The following BAZ2A variants were observed in gnomAD, a reference collection of about 807,000 sequenced individuals.
BAZ2A encodes bromodomain adjacent to zinc finger domain 2A, also known as bromodomain adjacent to zinc finger domain protein 2A.
A neutral mutation model predicts 199.9 loss-of-function variants in BAZ2A; 34 were observed. That is an observed-to-expected ratio of 0.17 (90% CI 0.13 to 0.23). The LOEUF is 0.23. Among genes scored for constraint, BAZ2A ranks in the 10% least tolerant of loss-of-function variants. The pLI is 1.00. For missense variants in BAZ2A, 2,002 were observed against 2,391.1 expected, an observed-to-expected ratio of 0.84 and a Z score of 3.39; for synonymous variants, 857 against 883.9, an observed-to-expected ratio of 0.97 and a Z score of 0.54.
At chr12:56,616,326 C>A (rs961082112) in intron 2 of BAZ2A, among the ~76,000 whole-genome samples, 1 of 152,162 alleles carries the variant, frequency 6.6e-6, no homozygotes, top group Non-Finnish European at 1.5e-5. Context: ...CGCTAGGGGC[C>A]CCCTTTCCCC....
In BAZ2A at chr12:56,597,460, G is replaced by A. The variant is rs1221442730; in HGVS notation, c.*1158C>T. On this transcript the variant is annotated 3_prime_UTR_variant, in exon 29 of 29. Coordinates refer to ENST00000549884, the MANE Select transcript of BAZ2A (RefSeq NM_001300905.2). ...GAAATTGTTCCTGTGGTTTCCCAAA[G>A]ACAAAAAAGTGATGGTTTTAAACAA... 1 of 151,856 alleles carries A rather than the reference G, an allele frequency of 6.6e-6. No homozygotes were observed. The highest frequency in any genetic ancestry group is 1.5e-5 in the Non-Finnish European group (1 of 67,938). 9.4% of individuals were successfully genotyped at this position (151,856 alleles called of 1,614,324 possible).
chr12:56,617,301 C>A (rs1242303632), intron 2 of BAZ2A, 94 bp downstream of exon 2: 6 of 1,279,894 alleles, frequency 4.7e-6, no homozygotes. Flanking sequence ...TGATTTCTCT[C>A]CAGCAGCAAA....
intron 1 of BAZ2A, among the ~76,000 whole-genome samples, chr12:56,618,035 A>T (rs1288842320): frequency 6.6e-6 from 1 of 152,238 alleles, no homozygotes; most frequent in African/African-American, 2.4e-5. Flanking sequence ...ATTTCTAATT[A>T]TCCTATCCAT....
rs746393625 is a variant in BAZ2A at position 56,603,580 on chromosome 12, T to C, written c.3159A>G (p.Glu1053=). Residue 1053 remains glutamate, a synonymous_variant, in exon 17 of 29, where the codon GAA becomes GAG. Coordinates refer to ENST00000549884, the MANE Select transcript of BAZ2A (RefSeq NM_001300905.2). ...CTGCTATAGACTCCTCTTCTTCCTCTTCTTCCATGCCACTGGTCTCCTCCA... is the reference window on the plus strand; with the variant it reads ...CTGCTATAGACTCCTCTTCTTCCTCCTCTTCCATGCCACTGGTCTCCTCCA... The part of the protein sequence containing the change: ...RIMEETSGME[E]EEEEESIAAV... The C allele has an allele frequency of 2.1e-5, 34 of 1,613,966 alleles. No homozygotes were observed. Among genetic ancestry groups the C allele is most frequent in the Admixed American group, 6.7e-5 (4 of 60,016 alleles).
intron 1 of BAZ2A, among the ~76,000 whole-genome samples, chr12:56,624,696 C>T (rs114084690): frequency 6.7e-4 from 101 of 149,960 alleles, no homozygotes; most frequent in African/African-American, 2.4e-3. Context: ...CAAATCTTGA[C>T]GTACTTAAAT....
At chr12:56,627,010 A>G (rs192701148) in intron 1 of BAZ2A, among the ~76,000 whole-genome samples, 7 of 152,358 alleles carry the variant, frequency 4.6e-5, no homozygotes, top group Admixed American at 3.9e-4. Flanking sequence ...TGATGCTGCT[A>G]TCTTACTAGT....
At chr12:56,605,719 C>G in intron 13 of BAZ2A, 111 bp downstream of exon 13, 1 of 1,208,070 alleles carries the variant, frequency 8.3e-7, no homozygotes, top group East Asian at 2.5e-5. Context: ...TGGCACCCGG[C>G]CTTCCTTTAA....
At chr12:56,620,392 T>C (rs190944937) in intron 1 of BAZ2A, among the ~76,000 whole-genome samples, 12 of 152,038 alleles carry the variant, frequency 7.9e-5, no homozygotes, top group African/African-American at 2.9e-4. Context: ...TCCCAGCCAC[T>C]TGGGAGGCTG....
chr12:56,631,314 G>C (rs1373830369), upstream of BAZ2A, among the ~76,000 whole-genome samples: 2 of 151,972 alleles, frequency 1.3e-5, no homozygotes, highest in African/African-American at 4.8e-5. Context: ...AGCTGGGTGT[G>C]GTGGCGTGCC....
chr12:56,603,528 C>T lies in BAZ2A; in HGVS notation c.3211G>A (p.Asp1071Asn), dbSNP rs572719182. 5 of 1,614,038 alleles carry T rather than the reference C, an allele frequency of 3.1e-6. No homozygotes were observed. The highest frequency in any genetic ancestry group is 1.6e-4 in the Middle Eastern group (1 of 6,062). The part of the protein sequence containing the change: ...AAVPGRRGRR[D>N]GEVDATASSI... ...TGATCTTGGGCCAGTACCTCTCCAT[C>T]TCTTCGACCCCTGCGGCCAGGGACA... The change falls in exon 17 of 29, where the codon GAT (aspartate) becomes AAT (asparagine). Residue 1071 changes from aspartate (D) to asparagine (N), a missense_variant. Around this residue, in one of 6 missense-constraint regions of BAZ2A, gnomAD observed 1,081 missense variants for 1,274.7 expected, o/e 0.85. Coordinates refer to ENST00000549884, the MANE Select transcript of BAZ2A (RefSeq NM_001300905.2).
At position 56,610,483 on chromosome 12, in the gene BAZ2A, G is replaced by A; in HGVS notation, c.1705C>T (p.His569Tyr). Residue 569 changes from histidine (H) to tyrosine (Y), a missense_variant, in exon 8 of 29, where the codon CAC becomes TAC. By Grantham distance (83) the His-to-Tyr change is moderately conservative. This residue lies in a region of BAZ2A where 641 missense variants were observed against 694.5 expected (regional missense o/e 0.92). Transcript: ENST00000549884. ...TACCAGGTCTCCCCCTGCCATCGGT[G>A]GCTGCCCTTCTTGATGCGCACCTCT... ...RREVRIKKGS[H>Y]RWQGETWYYG... The A allele has an allele frequency of 1.9e-6, 3 of 1,613,516 alleles. No individual in the cohort carries two copies. The highest frequency in any genetic ancestry group is 1.3e-5 in the African/African-American group (1 of 75,002).
upstream of BAZ2A, among the ~76,000 whole-genome samples, chr12:56,631,772 G>C (rs1951318364): frequency 1.3e-5 from 2 of 152,148 alleles, no homozygotes; most frequent in South Asian, 4.1e-4. Context: ...GTTTTCCTCT[G>C]GGGGTCTGAG....
intron 1 of BAZ2A, among the ~76,000 whole-genome samples, chr12:56,623,964 A>T (rs944906870): frequency 6.6e-5 from 10 of 151,850 alleles, no homozygotes; most frequent in African/African-American, 2.4e-4. Context: ...ATGTTCCTCC[A>T]CCAATAAGAG....
intron 1 of BAZ2A, 59 bp downstream of exon 1, chr12:56,630,066 G>T (rs1951254750): frequency 4.3e-6 from 4 of 928,460 alleles, no homozygotes; most frequent in Admixed American, 6.2e-5. Context: ...CCCGAGGGAA[G>T]CCTCGGATGA....
chr12:56,628,170 T>A (rs1592626849), intron 1 of BAZ2A, among the ~76,000 whole-genome samples: 2 of 25,386 alleles, frequency 7.9e-5, no homozygotes, highest in Admixed American at 5.7e-4. Flanking sequence ...AAAGCAAAAC[T>A]CCGTCTCAAA....
At position 56,608,796 on chromosome 12, in the gene BAZ2A, C is replaced by A. The variant is rs575275363; in HGVS notation, c.2092+940G>T. ...GTTGGTCAGGCTGGTCTTGAACTCC[C>A]GACCTCAGGTGATCTGCCCTCCTCA... On this transcript the variant is annotated intron_variant, in intron 10 of 28. Transcript: ENST00000549884. Among the ~76,000 whole-genome samples, 194 of 150,804 alleles carry A rather than the reference C, an allele frequency of 1.3e-3. 2 individuals are homozygous for A. Among genetic ancestry groups the A allele is most frequent in the African/African-American group, 4.6e-3 (190 of 40,996 alleles).
chr12:56,603,538 C>T lies in BAZ2A; in HGVS notation c.3201G>A (p.Arg1067=). ...CCAGTACCTCTCCATCTCTTCGACC[C>T]CTGCGGCCAGGGACAGCTGCTATAG... ...EESIAAVPGR[R]GRRDGEVDAT... is the part of the protein sequence containing the mutation. Residue 1067 remains arginine (R), a synonymous_variant, in exon 17 of 29, where the codon AGG becomes AGA. Coordinates refer to ENST00000549884, the MANE Select transcript of BAZ2A (RefSeq NM_001300905.2). The T allele has an allele frequency of 6.2e-7, 1 of 1,614,036 alleles. No individual in the cohort carries two copies.
chr12:56,612,914 G>T, intron 5 of BAZ2A, 101 bp downstream of exon 5: 1 of 1,333,394 alleles, frequency 7.5e-7, no homozygotes, highest in Non-Finnish European at 1.0e-6. Flanking sequence ...GAGCCACTGC[G>T]CCCAGCCAGA....
At chr12:56,621,692 T>A (rs1950925798) in intron 1 of BAZ2A, among the ~76,000 whole-genome samples, 1 of 151,760 alleles carries the variant, frequency 6.6e-6, no homozygotes, top group South Asian at 2.1e-4. Context: ...ACGTTAGTTT[T>A]TTTTTTTTCT....
Sources: allele counts gnomAD v4.1 joint callset (sites outside exome capture counted in the v4.1 genomes callset), GRCh38; gene constraint gnomAD v4.1.1; regional missense constraint gnomAD v4.1.1; transcripts MANE v1.5; gene names NCBI Gene and HGNC (gene_info 2026-07-23, HGNC 2026-07-21).